Variants in PTPRT observed in about 807,000 individuals in gnomAD.
PTPRT encodes receptor-type tyrosine-protein phosphatase T.
PTPRT carries 56 observed loss-of-function variants against 176.8 expected under a neutral mutation model. That is an observed-to-expected ratio of 0.32 (90% CI 0.26 to 0.40). PTPRT has a LOEUF of 0.40. Among genes scored for constraint, PTPRT ranks in the 10% least tolerant of loss-of-function variants. The probability of loss-of-function intolerance (pLI) is 1.00; values close to 1 mark genes in which losing one functional copy is unlikely to be tolerated. For synonymous variants in PTPRT, 783 were observed against 739.0 expected (o/e 1.06, Z -0.96); for missense variants, 1,540 against 1,908.2 (o/e 0.81, Z 3.60).
At chr20:42,358,276 A>G (rs959286621) in intron 9 of PTPRT, among the ~76,000 whole-genome samples, 16 of 152,068 alleles carry the variant, frequency 1.1e-4, no homozygotes, top group Admixed American at 9.2e-4. Flanking sequence ...TTAAAAGACA[A>G]CAAATGGCAT....
At chr20:43,086,647 G>A (rs1290677777) in intron 1 of PTPRT, among the ~76,000 whole-genome samples, 1 of 152,276 alleles carries the variant, frequency 6.6e-6, no homozygotes, top group East Asian at 1.9e-4. Flanking sequence ...AAACCATTTT[G>A]AACATAATCT....
At chr20:43,186,970 C>G (rs1260721838) in intron 1 of PTPRT, among the ~76,000 whole-genome samples, 1 of 152,160 alleles carries the variant, frequency 6.6e-6, no homozygotes, top group Non-Finnish European at 1.5e-5. Context: ...TCTCTCTCTT[C>G]CCCCATCCCA....
chr20:43,142,764 A>G (rs2014055834), intron 1 of PTPRT, among the ~76,000 whole-genome samples: 1 of 152,224 alleles, frequency 6.6e-6, no homozygotes, highest in Non-Finnish European at 1.5e-5. Flanking sequence ...CCCAAGGGGC[A>G]GGAGAAGCCG....
chr20:42,488,235 G>A lies in PTPRT; in HGVS notation c.1154-15673C>T, dbSNP rs145072512. 2.7e-3 allele frequency among the ~76,000 whole-genome samples: 406 copies of A among 152,262 alleles called. 3 individuals are homozygous for A. The highest frequency in any genetic ancestry group is 0.017 in the Middle Eastern group (5 of 294). ...CTCAGGTGTCTCCTTCTAGATTTGT[G>A]TGAATTCCTTTGTGGTCTACATTCC... On this transcript the variant is annotated intron_variant, in intron 7 of 30. Transcript: ENST00000373187.
chr20:43,177,608 G>T (rs2015151602), intron 1 of PTPRT, among the ~76,000 whole-genome samples: 1 of 152,198 alleles, frequency 6.6e-6, no homozygotes, highest in African/African-American at 2.4e-5. Flanking sequence ...ATGGAATAAA[G>T]AAATGCTTCA....
chr20:43,184,170 A>G (rs1475557881), intron 1 of PTPRT, among the ~76,000 whole-genome samples: 1 of 152,224 alleles, frequency 6.6e-6, no homozygotes, highest in Non-Finnish European at 1.5e-5. Context: ...GAGACTTTGC[A>G]TCTCTTCCAC....
At chr20:42,915,859 C>T (rs1288044803) in intron 1 of PTPRT, among the ~76,000 whole-genome samples, 1 of 151,860 alleles carries the variant, frequency 6.6e-6, no homozygotes, top group African/African-American at 2.4e-5. Flanking sequence ...TCAGTCTCCC[C>T]GAGAGTTCTG....
Position 42,887,552 on chromosome 20 carries a change from G to A in PTPRT, c.89-1620C>T, listed in dbSNP as rs541261454. ...TATTCAGTTCATCCCACACTAGCCC[G>A]GCCATGTGCTCATTAACATCACACT... On this transcript the variant is annotated intron_variant, in intron 1 of 30. Coordinates refer to ENST00000373187, the MANE Select transcript of PTPRT (RefSeq NM_007050.6). Among the ~76,000 whole-genome samples, 48 of 152,200 alleles carry A rather than the reference G, an allele frequency of 3.2e-4. 2 individuals carry two copies. In the South Asian group the frequency reaches 8.9e-3, roughly 28 times the overall value.
At chr20:42,792,340 C>A (rs551113553) in intron 2 of PTPRT, among the ~76,000 whole-genome samples, 6 of 152,128 alleles carry the variant, frequency 3.9e-5, no homozygotes, top group Non-Finnish European at 7.4e-5. Flanking sequence ...GTGACAATAG[C>A]TTATTGATAA....
At chr20:43,065,525 G>A (rs1243815358) in intron 1 of PTPRT, among the ~76,000 whole-genome samples, 1 of 152,214 alleles carries the variant, frequency 6.6e-6, no homozygotes, top group Non-Finnish European at 1.5e-5. Flanking sequence ...AGTGGGGGAG[G>A]GAGTGTCTCA....
intron 2 of PTPRT, among the ~76,000 whole-genome samples, chr20:42,811,029 A>G (rs889125013): frequency 4.6e-5 from 7 of 152,250 alleles, no homozygotes; most frequent in African/African-American, 1.7e-4. Context: ...GAATAAAATT[A>G]TAAATACCCA....
intron 9 of PTPRT, among the ~76,000 whole-genome samples, chr20:42,381,442 T>C (rs890538795): frequency 1.4e-4 from 22 of 152,192 alleles, no homozygotes; most frequent in African/African-American, 5.3e-4. Flanking sequence ...CGGGTCCCTG[T>C]GTGACTGCTC....
intron 1 of PTPRT, among the ~76,000 whole-genome samples, chr20:43,119,206 T>C (rs1198693868): frequency 6.6e-6 from 1 of 152,220 alleles, no homozygotes; most frequent in Non-Finnish European, 1.5e-5. Context: ...TTAGCCCTTA[T>C]ATTAAATGTA....
intron 7 of PTPRT, among the ~76,000 whole-genome samples, chr20:42,555,182 T>C (rs1440421326): frequency 6.6e-6 from 1 of 152,146 alleles, no homozygotes; most frequent in Non-Finnish European, 1.5e-5. Flanking sequence ...TACAGAATGC[T>C]CTGGGCCTGG....
chr20:42,866,367 C>T lies in PTPRT; in HGVS notation c.214+19440G>A, dbSNP rs534188846. On this transcript the variant is annotated intron_variant, in intron 2 of 30. Coordinates refer to ENST00000373187, the MANE Select transcript of PTPRT (RefSeq NM_007050.6). ...GTCACAGAACTTCAAAGAATAGGCA[C>T]CTGACTCCACACCCAAATCCAGTAT... Among the ~76,000 whole-genome samples, 8 of 152,300 alleles carry T rather than the reference C, an allele frequency of 5.3e-5. No individual in the cohort carries two copies. The South Asian group carries it at 1.7e-3, about 32-fold the overall frequency.
chr20:42,269,112 G>A (rs149952673), intron 13 of PTPRT, among the ~76,000 whole-genome samples: 5 of 152,026 alleles, frequency 3.3e-5, no homozygotes, highest in African/African-American at 1.2e-4. Flanking sequence ...TCAGGTAGAT[G>A]CAGATCTCCA....
intron 22 of PTPRT, 142 bp from the exon 23 acceptor site, chr20:42,110,629 A>G (rs1361372824): frequency 2.5e-6 from 2 of 798,878 alleles, no homozygotes; most frequent in East Asian, 2.8e-5. Context: ...GTGTTACTGG[A>G]TAGAGCGATT....
intron 9 of PTPRT, among the ~76,000 whole-genome samples, chr20:42,359,146 T>C (rs968434490): frequency 2.0e-5 from 3 of 152,224 alleles, no homozygotes; most frequent in Admixed American, 1.3e-4. Flanking sequence ...CCCAGCACTC[T>C]GTTGTTTCAT....
chr20:43,082,915 A>G (rs1359871213), intron 1 of PTPRT, among the ~76,000 whole-genome samples: 1 of 152,020 alleles, frequency 6.6e-6, no homozygotes, highest in Non-Finnish European at 1.5e-5. Context: ...TGATGGCCTA[A>G]CCGACCACCT....
Sources: gnomAD v4.1 joint callset for allele counts (sites outside exome capture counted in the v4.1 genomes callset) on GRCh38, gnomAD v4.1.1 for gene constraint, MANE v1.5 for transcripts, NCBI Gene and HGNC (gene_info 2026-07-23, HGNC 2026-07-21) for gene names.